The following CHD5 variants were observed in gnomAD, a reference collection of about 807,000 sequenced individuals.
The protein encoded by CHD5 is ATP-dependent chromatin remodeler CHD5.
In CHD5, 69 loss-of-function variants were observed where a neutral mutation model predicts 230.3. The ratio of observed to expected loss-of-function variants is 0.30; its 90% CI spans 0.25 to 0.37. CHD5 has a LOEUF of 0.37. CHD5 is among the 10% of genes least tolerant of loss of function. CHD5 has a pLI of 1.00. For synonymous variants in CHD5, 1,064 were observed against 1,065.9 expected, an observed-to-expected ratio of 1.00 and a Z score of 0.03; for missense variants, 1,827 against 2,622.8, an observed-to-expected ratio of 0.70 and a Z score of 6.63.
chr1:6,168,201 TTTC>T lies in CHD5; in HGVS notation c.153_155del (p.Lys52del), dbSNP rs757163416. 10 of 1,612,174 alleles carry T rather than the reference TTTC, an allele frequency of 6.2e-6. No individual in the cohort carries two copies. The highest frequency in any genetic ancestry group is 1.3e-5 in the African/African-American group (1 of 74,880). On this transcript the variant is annotated inframe_deletion, in exon 2 of 42. Transcript: ENST00000262450. ...ACTTGTTTTCCTTGAGCTTCTTGGGTTTCTTCTTCTTAGGAAGGCTCACGGGCT... is the reference window on the plus strand; with the variant it reads ...ACTTGTTTTCCTTGAGCTTCTTGGGTTTCTTCTTAGGAAGGCTCACGGGCT...
At chr1:6,160,516 G>A (rs1462023540) in intron 2 of CHD5, among the ~76,000 whole-genome samples, 6 of 152,142 alleles carry the variant, frequency 3.9e-5, no homozygotes, top group African/African-American at 1.4e-4. Flanking sequence ...GAGAGCCCCA[G>A]CCAGGGAAGG....
rs1666654466 is a variant in CHD5, at chr1:6,131,342, C to A, written c.3262+289G>T. ...CCATTCACCATACGGCAGGCTCTGT[C>A]CAACACCACTTGTAACTGGGGCTCA... is the stretch of plus-strand genomic sequence containing the variant. On this transcript the variant is annotated intron_variant, in intron 21 of 41. Transcript: ENST00000262450. The surrounding 1 kb of genome is among the most constrained non-coding windows in gnomAD (Gnocchi z 5.0). Among the ~76,000 whole-genome samples, 1 of 152,198 alleles carries A rather than the reference C, an allele frequency of 6.6e-6. No homozygotes were observed. The highest frequency in any genetic ancestry group is 2.1e-4 in the South Asian group (1 of 4,830).
chr1:6,142,537 C>T lies in CHD5; in HGVS notation c.2112G>A (p.Gln704=). 2 of 1,614,148 alleles carry T rather than the reference C, an allele frequency of 1.2e-6. No individual in the cohort carries two copies. The highest frequency in any genetic ancestry group is 1.7e-6 in the Non-Finnish European group (2 of 1,180,044). The change falls in exon 14 of 42, where the codon CAG becomes CAA. Residue 704 remains glutamine (Q), a synonymous_variant. Transcript: ENST00000262450. The surrounding 1 kb of genome is among the most constrained non-coding windows in gnomAD (Gnocchi z 5.2). The part of the protein sequence containing the change: ...DSTGGTLHPY[Q]LEGLNWLRFS... ...AGCGCAGCCAGTTGAGGCCCTCCAGCTGGTACGGGTGCAGTGTGCCGCCTG... is the reference window on the plus strand; with the variant it reads ...AGCGCAGCCAGTTGAGGCCCTCCAGTTGGTACGGGTGCAGTGTGCCGCCTG...
intron 6 of CHD5, 123 bp downstream of exon 6, chr1:6,152,289 G>A (rs1667018702): frequency 2.8e-6 from 3 of 1,064,598 alleles, no homozygotes; most frequent in Middle Eastern, 6.0e-4. Flanking sequence ...GAATAGTGGA[G>A]GGGTGCGACC....
chr1:6,143,027 A>C (rs1203234083), intron 13 of CHD5, among the ~76,000 whole-genome samples: 1 of 151,794 alleles, frequency 6.6e-6, no homozygotes, highest in African/African-American at 2.4e-5. Context: ...CAACGCCCCC[A>C]GTAACAGGCT....
chr1:6,170,133 C>T (rs1262106920), intron 1 of CHD5, among the ~76,000 whole-genome samples: 1 of 152,108 alleles, frequency 6.6e-6, no homozygotes, highest in Non-Finnish European at 1.5e-5. Context: ...GAGCCAGGTT[C>T]GAACCCAGGC....
rs201451760 is a variant in CHD5, at chr1:6,128,076, C to T, written c.3873G>A (p.Ala1291=). The change falls in exon 25 of 42, where the codon GCG becomes GCA. Residue 1291 remains alanine, a synonymous_variant. Transcript: ENST00000262450. The surrounding 1 kb of genome is among the most constrained non-coding windows in gnomAD (Gnocchi z 7.8). ...CGTCCTCCTCGCGCACCACGTACTG[C>T]GCCACCTTGAAGGAGCTCAGGTACT... is the stretch of plus-strand genomic sequence containing the variant. The part of the protein sequence containing the change: ...MNEYLSSFKV[A]QYVVREEDGV... The T allele has an allele frequency of 2.5e-6, 4 of 1,612,534 alleles. No individual in the cohort carries two copies. The highest frequency in any genetic ancestry group is 1.3e-5 in the African/African-American group (1 of 75,008).
intron 7 of CHD5, 27 bp downstream of exon 7, chr1:6,151,005 A>G: frequency 6.6e-7 from 1 of 1,509,036 alleles, no homozygotes; most frequent in East Asian, 2.5e-5. Flanking sequence ...CCAGCAGGCC[A>G]AGAACTCTCT....
intron 25 of CHD5, 131 bp downstream of exon 25, chr1:6,127,915 G>A (rs1184837641): frequency 1.0e-5 from 8 of 766,472 alleles, no homozygotes; most frequent in Non-Finnish European, 1.7e-5. Flanking sequence ...GCGGCTGGAG[G>A]GCGGGGTCAC....
chr1:6,102,077 G>C lies in CHD5; in HGVS notation c.*3397C>G. ...TCGGCCCCCTCTTAGCTGGGCCTGG[G>C]CCGGTGGAGTCTGCTCCCTCCACAC... On this transcript the variant is annotated 3_prime_UTR_variant, in exon 42 of 42. Coordinates refer to ENST00000262450, the MANE Select transcript of CHD5 (RefSeq NM_015557.3). The C allele has an allele frequency of 2.6e-6, 1 of 389,646 alleles. No individual in the cohort carries two copies. Among genetic ancestry groups the C allele is most frequent in the South Asian group, 1.8e-5 (1 of 55,098 alleles). 24.1% of individuals were successfully genotyped at this position (389,646 alleles called of 1,614,324 possible). A position where few individuals can be genotyped will look rare whatever the true frequency, so the allele number is the denominator to read the frequency against.
In CHD5 at chr1:6,125,736, G is replaced by A. The variant is rs770410167; in HGVS notation, c.4171+30C>T. ...CAGCTCCCCTGACATGGCCTCAGCA[G>A]TAGCCCAGACCACTAACACTGAGAC... On this transcript the variant is annotated intron_variant, in intron 27 of 41. Transcript: ENST00000262450. The surrounding 1 kb of genome is among the most constrained non-coding windows in gnomAD (Gnocchi z 6.7). The A allele has an allele frequency of 1.9e-6, 3 of 1,596,334 alleles. No individual in the cohort carries two copies. The highest frequency in any genetic ancestry group is 8.6e-7 in the Non-Finnish European group (1 of 1,163,982).
Position 6,134,224 on chromosome 1 carries a change from T to G in CHD5, c.3048A>C (p.Gly1016=). 1 of 1,613,658 alleles carries G rather than the reference T, an allele frequency of 6.2e-7. No individual in the cohort carries two copies. Among genetic ancestry groups the G allele is most frequent in the South Asian group, 1.1e-5 (1 of 91,070 alleles). ...APVLPNGSYD[G]SSLVKSSGKL... Reference sequence around the variant, plus strand: ...TCCCTGAAGACTTGACCAGGGAGCTTCCATCGTAGGAGCCATTGGGCAAGA... The same window carrying G: ...TCCCTGAAGACTTGACCAGGGAGCTGCCATCGTAGGAGCCATTGGGCAAGA... The change falls in exon 20 of 42, where the codon GGA becomes GGC. Residue 1016 remains glycine, a synonymous_variant. Transcript: ENST00000262450. This position sits in a 1 kb window ranked among gnomAD's most constrained non-coding sequence, Gnocchi z 6.3.
chr1:6,150,976 C>A (rs1666998056), intron 7 of CHD5, 56 bp downstream of exon 7: 6 of 1,451,048 alleles, frequency 4.1e-6, no homozygotes. Context: ...GAGTCCTACT[C>A]GTGCCCCACT....
chr1:6,143,770 G>T, intron 13 of CHD5, 53 bp downstream of exon 13: 2 of 1,490,968 alleles, frequency 1.3e-6, no homozygotes, highest in Non-Finnish European at 1.9e-6. Context: ...TCAAGTCTGA[G>T]GTGGGCAGGC....
intron 3 of CHD5, 98 bp downstream of exon 3, chr1:6,159,238 C>A: frequency 2.0e-6 from 3 of 1,501,216 alleles, no homozygotes; most frequent in Non-Finnish European, 2.7e-6. Flanking sequence ...CACACACACA[C>A]ACACACACAC....
rs968514987 is a variant in CHD5 at position 6,126,945 on chromosome 1, T to C, written c.3904-199A>G. 1.7e-6 allele frequency: 1 copy of C among 592,574 alleles called. No homozygotes were observed. The highest frequency in any genetic ancestry group is 1.9e-5 in the African/African-American group (1 of 53,666). 36.7% of individuals were successfully genotyped at this position (592,574 alleles called of 1,614,324 possible). ...CTCCCTGCCCCTATCCAGTCAATCA[T>C]TTACTTATTCATCCATCCATTCACA... On this transcript the variant is annotated intron_variant, in intron 25 of 41. Transcript: ENST00000262450. The surrounding 1 kb of genome is among the most constrained non-coding windows in gnomAD (Gnocchi z 5.7).
At position 6,146,237 on chromosome 1, in the gene CHD5, T is replaced by C; in HGVS notation, c.1777A>G (p.Met593Val). ...YRYGIKPEWM[M>V]IHRILNHSFD... Reference sequence around the variant, plus strand: ...CTATGGTTCAGGATTCGGTGAATCATCATCCACTCTGGCTTGATGCCATAG... The same window carrying C: ...CTATGGTTCAGGATTCGGTGAATCACCATCCACTCTGGCTTGATGCCATAG... The change falls in exon 11 of 42, where the codon ATG becomes GTG. Residue 593 changes from methionine to valine, a missense_variant. By Grantham distance (21) the Met-to-Val change is conservative. This residue lies in a region of CHD5 where 657 missense variants were observed against 816.4 expected (regional missense o/e 0.80). Transcript: ENST00000262450. The surrounding 1 kb of genome is among the most constrained non-coding windows in gnomAD (Gnocchi z 5.1). The C allele has an allele frequency of 6.2e-7, 1 of 1,614,128 alleles. No homozygotes were observed. The highest frequency in any genetic ancestry group is 8.5e-7 in the Non-Finnish European group (1 of 1,180,010).
At chr1:6,107,865 GGAT>G (rs1666218440) in intron 38 of CHD5, among the ~76,000 whole-genome samples, 1 of 147,232 alleles carries the variant, frequency 6.8e-6, no homozygotes, top group African/African-American at 2.5e-5. Context: ...AGGGATGGAG[GGAT>G]GATGGAGGGA....
At chr1:6,111,258 G>A (rs1666283167) in intron 36 of CHD5, among the ~76,000 whole-genome samples, 1 of 151,274 alleles carries the variant, frequency 6.6e-6, no homozygotes, top group Non-Finnish European at 1.5e-5. Flanking sequence ...AAAAGGCCGG[G>A]TGTGGTGGCT....
Sources: allele counts gnomAD v4.1 joint callset (sites outside exome capture counted in the v4.1 genomes callset), GRCh38; gene constraint gnomAD v4.1.1; regional missense constraint gnomAD v4.1.1; non-coding constraint Gnocchi (gnomAD v3.1); transcripts MANE v1.5; gene names NCBI Gene and HGNC (gene_info 2026-07-23, HGNC 2026-07-21).